ESRRG: variants seen among roughly 807,000 people sequenced by gnomAD.
ESRRG encodes the protein estrogen-related receptor gamma.
In ESRRG, 13 loss-of-function variants were observed where a neutral mutation model predicts 44.0. That is an observed-to-expected ratio of 0.30 (90% CI 0.19 to 0.47). The LOEUF (loss-of-function observed/expected upper bound fraction) is 0.47, where lower values mean the gene tolerates loss of function less well. Ranked by LOEUF, ESRRG falls within the 20% of genes least tolerant of loss-of-function variation. The pLI is 1.00. For missense variants in ESRRG, 395 were observed against 580.6 expected, an observed-to-expected ratio of 0.68 and a Z score of 3.29; for synonymous variants, 215 against 214.6, an observed-to-expected ratio of 1.00 and a Z score of -0.02.
intron 1 of ESRRG, among the ~76,000 whole-genome samples, chr1:216,952,827 TTTACTGTC>T (rs2067206020): frequency 6.6e-6 from 1 of 152,116 alleles, no homozygotes; most frequent in Non-Finnish European, 1.5e-5. Flanking sequence ...CTGGCACTGT[TTTACTGTC>T]AGCTACTAGC....
At chr1:217,067,248 T>C (rs1207173065) in intron 1 of ESRRG, among the ~76,000 whole-genome samples, 2 of 152,182 alleles carry the variant, frequency 1.3e-5, no homozygotes, top group Non-Finnish European at 2.9e-5. Flanking sequence ...GTAGGCAATA[T>C]TTTCTTCTAA....
chr1:216,687,008 C>G (rs2078101991), intron 1 of ESRRG, among the ~76,000 whole-genome samples: 1 of 149,900 alleles, frequency 6.7e-6, no homozygotes, highest in African/African-American at 2.5e-5. Context: ...AGTCACCATT[C>G]AGGGACATGG....
Position 216,526,388 on chromosome 1 carries a change from G to A in ESRRG, c.863-6967C>T, listed in dbSNP as rs538408834. On this transcript the variant is annotated intron_variant, in intron 5 of 6. Transcript: ENST00000408911. ...GGGATATTTGGACACAGAGATGGAC[G>A]TGTGCAGAGGAAAGATGATGTCAGG... Among the ~76,000 whole-genome samples the A allele has an allele frequency of 1.2e-4, 18 of 152,220 alleles. No homozygotes were observed. The South Asian group carries it at 1.5e-3, about 12-fold the overall frequency.
rs1560083326 is a variant in ESRRG, at chr1:216,912,183, A to AAGAAGAGGAGAGGAG, written c.-14+27398_-14+27399insCTCCTCTCCTCTTCT. Among the ~76,000 whole-genome samples, 10 of 21,154 alleles carry AAGAAGAGGAGAGGAG rather than the reference A, an allele frequency of 4.7e-4. 1 individual carries two copies. The highest frequency in any genetic ancestry group is 1.2e-3 in the Admixed American group (2 of 1,608). The allele number at this position is 21,154 out of a possible 152,430, so 13.9% of individuals were successfully genotyped here. On this transcript the variant is annotated intron_variant, in intron 2 of 7. Coordinates refer to the ESRRG transcript ENST00000359162. ...AAGAAAAGAAAAGAAAAGAAAAGAA[A>AAGAAGAGGAGAGGAG]AGGAGAGGAGAGGAGAGGAGAGGAG...
At chr1:217,089,830 G>A (rs918459899), upstream of ESRRG, among the ~76,000 whole-genome samples, 1 of 152,110 alleles carries the variant, frequency 6.6e-6, no homozygotes, top group African/African-American at 2.4e-5. Flanking sequence ...CGGCTAGCCG[G>A]AGCGCCAAGG....
At chr1:216,570,981 T>C (rs1249691984) in intron 3 of ESRRG, among the ~76,000 whole-genome samples, 3 of 152,206 alleles carry the variant, frequency 2.0e-5, no homozygotes, top group Non-Finnish European at 2.9e-5. Flanking sequence ...TTGTCCATCA[T>C]GAAGATCTGC....
At chr1:216,873,886 GGGA>G (rs2096298404) in intron 2 of ESRRG, among the ~76,000 whole-genome samples, 534 of 29,122 alleles carry the variant, frequency 0.018, 35 homozygotes, top group African/African-American at 0.085. Context: ...AGGGAGGGAA[GGGA>G]AGGGAAGGGA....
chr1:216,505,343 GGCTTA>G lies in ESRRG; in HGVS notation c.*1591_*1595del, dbSNP rs2041015157. On this transcript the variant is annotated 3_prime_UTR_variant, in exon 7 of 7. Coordinates refer to ENST00000408911, the MANE Select transcript of ESRRG (RefSeq NM_001438.4). ...ATACTGGTTGAAAAGCACATATATTGGCTTAGCTCTTGGTAAAAACTGCAGATTAA... is the reference window on the plus strand; with the variant it reads ...ATACTGGTTGAAAAGCACATATATTGGCTCTTGGTAAAAACTGCAGATTAA... 6.6e-6 allele frequency: 1 copy of G among 152,470 alleles called. No individual in the cohort carries two copies. The highest frequency in any genetic ancestry group is 6.6e-5 in the Admixed American group (1 of 15,252). The allele number at this position is 152,470 out of a possible 1,614,324, so 9.4% of individuals were successfully genotyped here.
At chr1:216,759,153 C>G (rs949696730) in intron 2 of ESRRG, among the ~76,000 whole-genome samples, 26 of 152,080 alleles carry the variant, frequency 1.7e-4, no homozygotes, top group African/African-American at 6.3e-4. Context: ...TGGGAGAGTT[C>G]TAATTTGCAA....
upstream of ESRRG, among the ~76,000 whole-genome samples, chr1:216,726,317 A>G (rs1244675081): frequency 1.3e-5 from 2 of 151,280 alleles, no homozygotes; most frequent in East Asian, 3.9e-4. Flanking sequence ...ATCCAGTTTA[A>G]CCAATTTAAA....
At chr1:217,008,604 A>T (rs2078101724) in intron 1 of ESRRG, among the ~76,000 whole-genome samples, 1 of 152,232 alleles carries the variant, frequency 6.6e-6, no homozygotes, top group Admixed American at 6.5e-5. Context: ...ACACATATTG[A>T]TAATGAATTA....
In ESRRG at chr1:216,623,272, G is replaced by A. The variant is rs138830800; in HGVS notation, c.589+27701C>T. 3.8e-3 allele frequency among the ~76,000 whole-genome samples: 579 copies of A among 151,652 alleles called. 26 individuals are homozygous for A. The East Asian group carries it at 0.087, about 23-fold the overall frequency. On this transcript the variant is annotated intron_variant, in intron 3 of 6. Transcript: ENST00000408911. ...TAATTTTTGTATTTTTAGTAGAGAC[G>A]GGGTTTCACCATGTTAGCCAGGATG...
intron 2 of ESRRG, among the ~76,000 whole-genome samples, chr1:216,885,723 A>G (rs2096507063): frequency 1.3e-5 from 2 of 151,900 alleles, no homozygotes; most frequent in Admixed American, 6.6e-5. Context: ...TTTTAAATAT[A>G]TTTGTGTTTC....
chr1:216,822,346 A>C (rs539050552), intron 2 of ESRRG, among the ~76,000 whole-genome samples: 2 of 152,208 alleles, frequency 1.3e-5, no homozygotes, highest in African/African-American at 4.8e-5. Context: ...AGTTGGAGGA[A>C]ATCAATTACC....
intron 1 of ESRRG, among the ~76,000 whole-genome samples, chr1:216,981,568 T>C (rs1000902139): frequency 1.1e-4 from 16 of 152,200 alleles, no homozygotes; most frequent in African/African-American, 3.9e-4. Context: ...TATTTAATAC[T>C]GCTCATCTAT....
In ESRRG at chr1:216,983,684, GCA is replaced by G. The variant is rs1228203275; in HGVS notation, c.-105-44013_-105-44012del. Among the ~76,000 whole-genome samples the G allele has an allele frequency of 1.2e-4, 7 of 60,228 alleles. No homozygotes were observed. In the Middle Eastern group the frequency reaches 0.023, roughly 196 times the overall value. 39.5% of individuals were successfully genotyped at this position (60,228 alleles called of 152,430 possible). On this transcript the variant is annotated intron_variant, in intron 1 of 7. Transcript: ENST00000359162. ...AAAATAATCCCTTTCGCGTGCATGT[GCA>G]TGTGTGTGTGTGTGTGTGTGTGTGT...
At chr1:217,059,633 C>G (rs980888043) in intron 1 of ESRRG, among the ~76,000 whole-genome samples, 1 of 152,036 alleles carries the variant, frequency 6.6e-6, no homozygotes, top group Non-Finnish European at 1.5e-5. Flanking sequence ...GTTTGAACTT[C>G]AATAATGATT....
At chr1:216,714,486 G>C in intron 1 of ESRRG, 1 of 506,488 alleles carries the variant, frequency 2.0e-6, no homozygotes, top group Non-Finnish European at 2.5e-6. Flanking sequence ...GTAAGCAAAG[G>C]AAGACAATAG....
At chr1:216,663,333 C>T (rs544240261) in intron 2 of ESRRG, among the ~76,000 whole-genome samples, 3 of 152,160 alleles carry the variant, frequency 2.0e-5, no homozygotes, top group South Asian at 2.1e-4. Context: ...TATCTCTGAT[C>T]GTCCTCAAAT....
Sources: allele counts gnomAD v4.1 joint callset (sites outside exome capture counted in the v4.1 genomes callset), GRCh38; gene constraint gnomAD v4.1.1; transcripts MANE v1.5; gene names NCBI Gene and HGNC (gene_info 2026-07-23, HGNC 2026-07-21).